LINGO2: variants seen among roughly 807,000 people sequenced by gnomAD.
LINGO2 encodes the protein leucine-rich repeat and immunoglobulin-like domain-containing nogo receptor-interacting protein 2.
LINGO2 carries 14 observed loss-of-function variants against 30.6 expected under a neutral mutation model. That is an observed-to-expected ratio of 0.46 (90% CI 0.30 to 0.72). The LOEUF (loss-of-function observed/expected upper bound fraction) is 0.72, where lower values mean the gene tolerates loss of function less well. LINGO2 is among the 30% of genes least tolerant of loss of function. The pLI, the probability that LINGO2 is intolerant of heterozygous loss-of-function variation, is 0.07. For missense variants in LINGO2, 729 were observed against 751.7 expected (o/e 0.97, Z 0.35); for synonymous variants, 317 against 288.5 (o/e 1.10, Z -1.00).
the LINGO2 span, among the ~76,000 whole-genome samples, chr9:28,838,220 G>T: frequency 7.7e-4 from 118 of 152,260 alleles, 1 homozygote; most frequent in East Asian, 0.021. Context: ...TGCAGAAGCA[G>T]ATATGAGAGT....
At chr9:28,412,088 C>T (rs1215166255) in intron 2 of LINGO2, among the ~76,000 whole-genome samples, 2 of 150,898 alleles carry the variant, frequency 1.3e-5, no homozygotes, top group South Asian at 2.1e-4. Context: ...ATCTCTCAGC[C>T]CACTTCTCCC....
chr9:28,052,675 C>T (rs12350360), intron 4 of LINGO2, among the ~76,000 whole-genome samples: 1,858 of 152,162 alleles, frequency 0.012, 38 homozygotes, highest in African/African-American at 0.042. Context: ...CTGTTCATTC[C>T]TAAGCTTTCT....
chr9:28,790,387 C>G, the LINGO2 span, among the ~76,000 whole-genome samples: 72 of 131,608 alleles, frequency 5.5e-4, no homozygotes, highest in South Asian at 2.3e-3. Flanking sequence ...GGAGTGCAGT[C>G]GTGCGATCTC....
intron 4 of LINGO2, among the ~76,000 whole-genome samples, chr9:28,184,855 C>A (rs1564025437): frequency 6.6e-6 from 1 of 152,084 alleles, no homozygotes. Flanking sequence ...TTTTCTGACC[C>A]AGGAGCCAAA....
intron 2 of LINGO2, among the ~76,000 whole-genome samples, chr9:28,430,700 G>T (rs1823630170): frequency 6.6e-6 from 1 of 152,092 alleles, no homozygotes; most frequent in African/African-American, 2.4e-5. Context: ...GCCTTGCTGG[G>T]TGACAAACTG....
At chr9:28,599,589 C>T (rs1825376148) in intron 1 of LINGO2, among the ~76,000 whole-genome samples, 2 of 151,992 alleles carry the variant, frequency 1.3e-5, no homozygotes, top group African/African-American at 4.8e-5. Flanking sequence ...AGGAGCAAAT[C>T]AGATTTGGAT....
At chr9:28,074,420 C>A (rs756543957) in intron 4 of LINGO2, among the ~76,000 whole-genome samples, 1 of 152,170 alleles carries the variant, frequency 6.6e-6, no homozygotes, top group Non-Finnish European at 1.5e-5. Flanking sequence ...CTTCATTCTG[C>A]AGACCTTTAT....
the LINGO2 span, among the ~76,000 whole-genome samples, chr9:28,693,766 G>A: frequency 6.6e-6 from 1 of 152,094 alleles, no homozygotes; most frequent in African/African-American, 2.4e-5. Flanking sequence ...TTGGGGGGAT[G>A]GTAGGTAGGA....
chr9:28,754,662 G>A, the LINGO2 span, among the ~76,000 whole-genome samples: 67,698 of 149,698 alleles, frequency 0.45, 17,950 homozygotes, highest in Non-Finnish European at 0.59. Flanking sequence ...ATGGAGTCTC[G>A]CTCTGTTGCC....
the LINGO2 span, among the ~76,000 whole-genome samples, chr9:29,043,324 T>A: frequency 6.6e-6 from 1 of 151,998 alleles, no homozygotes; most frequent in African/African-American, 2.4e-5. Context: ...CTGGGAAGTC[T>A]TATGAAAGTA....
the LINGO2 span, among the ~76,000 whole-genome samples, chr9:29,177,307 G>T: frequency 6.6e-6 from 1 of 152,122 alleles, no homozygotes; most frequent in Non-Finnish European, 1.5e-5. Context: ...ATCTTTCACT[G>T]GAATTTATAG....
chr9:28,292,485 C>T (rs796202147), intron 4 of LINGO2, among the ~76,000 whole-genome samples: 8 of 152,168 alleles, frequency 5.3e-5, no homozygotes, highest in Admixed American at 1.3e-4. Flanking sequence ...ATTTTTGAGA[C>T]GGAGTCTTGC....
chr9:28,483,823 C>T lies in LINGO2; in HGVS notation c.-364-7798G>A, dbSNP rs578228268. Among the ~76,000 whole-genome samples the T allele has an allele frequency of 6.9e-4, 105 of 151,922 alleles. 1 individual carries two copies. The highest frequency in any genetic ancestry group is 2.4e-3 in the African/African-American group (99 of 41,458). The stretch of plus-strand genomic sequence containing the variant: ...TAAATTATACTTGTTTCATATAAGC[C>T]ACCAAGAACATCCACTGTTAACCTA... On this transcript the variant is annotated intron_variant, in intron 1 of 5. Coordinates refer to ENST00000379992, the Ensembl canonical transcript of LINGO2.
the LINGO2 span, among the ~76,000 whole-genome samples, chr9:28,831,762 T>C: frequency 6.6e-6 from 1 of 152,228 alleles, no homozygotes; most frequent in African/African-American, 2.4e-5. Flanking sequence ...ATTTTAGTCA[T>C]GGCTATCTTT....
intron 2 of LINGO2, among the ~76,000 whole-genome samples, chr9:28,388,676 C>T (rs1211583439): frequency 6.6e-6 from 1 of 152,134 alleles, no homozygotes; most frequent in African/African-American, 2.4e-5. Flanking sequence ...GATTTCTCAT[C>T]TGTGGTATGC....
At chr9:28,986,790 T>A in the LINGO2 span, among the ~76,000 whole-genome samples, 8 of 152,128 alleles carry the variant, frequency 5.3e-5, no homozygotes, top group East Asian at 1.4e-3. Context: ...TAATTTAGAA[T>A]AAAGTTTTGA....
At chr9:28,044,752 C>CA (rs1250846225) in intron 4 of LINGO2, among the ~76,000 whole-genome samples, 1 of 143,978 alleles carries the variant, frequency 6.9e-6, no homozygotes, top group African/African-American at 2.6e-5. Flanking sequence ...AGAGTTAGGG[C>CA]AAGCAGGTGG....
At chr9:28,909,897 A>G in the LINGO2 span, among the ~76,000 whole-genome samples, 3 of 152,070 alleles carry the variant, frequency 2.0e-5, no homozygotes, top group Non-Finnish European at 4.4e-5. Flanking sequence ...GTGACAAATT[A>G]TTCCCTGAAA....
At chr9:29,115,160 T>C in the LINGO2 span, among the ~76,000 whole-genome samples, 4 of 151,928 alleles carry the variant, frequency 2.6e-5, no homozygotes, top group East Asian at 7.8e-4. Context: ...TTGCTAAAAC[T>C]ACCAAATATA....
Sources: allele counts gnomAD v4.1 joint callset (sites outside exome capture counted in the v4.1 genomes callset), GRCh38; gene constraint gnomAD v4.1.1; transcripts MANE v1.5; gene names NCBI Gene and HGNC (gene_info 2026-07-23, HGNC 2026-07-21).